The following CDH13 variants were observed in gnomAD, a reference collection of about 807,000 sequenced individuals.
CDH13 encodes the protein cadherin-13.
In CDH13, 24 loss-of-function variants were observed where a neutral mutation model predicts 63.8. The ratio of observed to expected loss-of-function variants is 0.38; its 90% CI spans 0.27 to 0.53. The LOEUF is 0.53. CDH13 is among the 20% of genes least tolerant of loss of function. The pLI, the probability that CDH13 is intolerant of heterozygous loss-of-function variation, is 0.85. For synonymous variants in CDH13, 503 were observed against 355.3 expected (o/e 1.42, Z -4.67); for missense variants, 1,049 against 903.1 (o/e 1.16, Z -2.07).
chr16:83,340,761 A>G (rs2090704394), intron 5 of CDH13, among the ~76,000 whole-genome samples: 1 of 152,178 alleles, frequency 6.6e-6, no homozygotes, highest in Non-Finnish European at 1.5e-5. Context: ...CAGATGTGTA[A>G]TTGCTCGGAG....
chr16:82,627,245 G>T (rs1033443885), intron 1 of CDH13, 108 bp downstream of exon 1: 3 of 947,744 alleles, frequency 3.2e-6, no homozygotes, highest in South Asian at 1.4e-5. Context: ...CTCCGGTCGC[G>T]GCGGCGAAGA....
At chr16:83,427,012 C>T (rs918961571) in intron 6 of CDH13, among the ~76,000 whole-genome samples, 12 of 145,080 alleles carry the variant, frequency 8.3e-5, no homozygotes, top group Admixed American at 1.4e-4. Flanking sequence ...CTGCAAGCTC[C>T]GCCTCCCAGG....
chr16:82,781,101 G>A (rs2035732230), intron 1 of CDH13, among the ~76,000 whole-genome samples: 1 of 152,186 alleles, frequency 6.6e-6, no homozygotes, highest in Non-Finnish European at 1.5e-5. Flanking sequence ...ATCTTCTGAA[G>A]TTTGCCTCTA....
chr16:83,529,457 T>C (rs767738784), intron 7 of CDH13, among the ~76,000 whole-genome samples: 1 of 152,222 alleles, frequency 6.6e-6, no homozygotes, highest in Non-Finnish European at 1.5e-5. Context: ...CACTACACTG[T>C]ACTACATCCA....
intron 2 of CDH13, among the ~76,000 whole-genome samples, chr16:83,022,000 T>C (rs1360914023): frequency 2.0e-5 from 3 of 152,216 alleles, no homozygotes; most frequent in Non-Finnish European, 4.4e-5. Context: ...GAAATGAGAG[T>C]ATTCAGGAAA....
rs1402336573 is a variant in CDH13, at chr16:82,639,555, G to T, written c.45+12418G>T. 4 of 799,160 alleles carry T rather than the reference G, an allele frequency of 5.0e-6. No homozygotes were observed. In the African/African-American group the frequency reaches 5.1e-5, roughly 10 times the overall value. The allele number at this position is 799,160 out of a possible 1,614,324, so 49.5% of individuals were successfully genotyped here. ...CCTGTTGCCTAAGTCAGTGCTTCCT[G>T]CAAGCTACTCTTTGTAATTCTTTCC... On this transcript the variant is annotated intron_variant, in intron 1 of 13. Coordinates refer to ENST00000567109, the MANE Select transcript of CDH13 (RefSeq NM_001257.5).
At chr16:83,235,798 T>C (rs186755096) in intron 5 of CDH13, among the ~76,000 whole-genome samples, 1 of 152,286 alleles carries the variant, frequency 6.6e-6, no homozygotes, top group Admixed American at 6.5e-5. Flanking sequence ...TGTTAATACA[T>C]AGACTGAGGA....
At chr16:82,703,560 T>G (rs1010634982) in intron 1 of CDH13, among the ~76,000 whole-genome samples, 3 of 152,192 alleles carry the variant, frequency 2.0e-5, no homozygotes, top group Non-Finnish European at 2.9e-5. Flanking sequence ...CCTGGACTGA[T>G]AATGCTTTAC....
chr16:83,119,913 T>C (rs918882727), intron 3 of CDH13, among the ~76,000 whole-genome samples: 1 of 152,062 alleles, frequency 6.6e-6, no homozygotes, highest in African/African-American at 2.4e-5. Flanking sequence ...TACACATAAA[T>C]CACAGGCAAA....
At chr16:83,646,738 C>G (rs1244399806) in intron 8 of CDH13, among the ~76,000 whole-genome samples, 1 of 146,794 alleles carries the variant, frequency 6.8e-6, no homozygotes, top group Admixed American at 6.9e-5. Context: ...CACACACACA[C>G]AGTTGTGTTT....
At chr16:83,013,495 T>A (rs1191019765) in intron 2 of CDH13, among the ~76,000 whole-genome samples, 1 of 152,146 alleles carries the variant, frequency 6.6e-6, no homozygotes, top group African/African-American at 2.4e-5. Context: ...CATAATCACA[T>A]TTCCCTTCCA....
rs543874275 is a variant in CDH13, at chr16:83,698,862, A to G, written c.1538+20401A>G. On this transcript the variant is annotated intron_variant, in intron 10 of 13. Coordinates refer to ENST00000567109, the MANE Select transcript of CDH13 (RefSeq NM_001257.5). Reference sequence around the variant, plus strand: ...TACTCAACTCGACCATCGTAATCCAAAAGCTGCCACATCTGTGAATAGGCA... The same window carrying G: ...TACTCAACTCGACCATCGTAATCCAGAAGCTGCCACATCTGTGAATAGGCA... 6.3e-4 allele frequency among the ~76,000 whole-genome samples: 96 copies of G among 152,374 alleles called. 1 individual carries two copies. The highest frequency in any genetic ancestry group is 2.1e-3 in the South Asian group (10 of 4,828).
At chr16:83,345,989 G>A (rs1363188720) in intron 6 of CDH13, among the ~76,000 whole-genome samples, 1 of 152,102 alleles carries the variant, frequency 6.6e-6, no homozygotes, top group African/African-American at 2.4e-5. Context: ...ATGTTGCCAT[G>A]GTAACCTTCC....
chr16:82,952,445 G>A (rs746265221), intron 2 of CDH13, among the ~76,000 whole-genome samples: 1 of 152,136 alleles, frequency 6.6e-6, no homozygotes, highest in Admixed American at 6.5e-5. Flanking sequence ...ATTCATGCCC[G>A]TAAGTTATCC....
intron 11 of CDH13, among the ~76,000 whole-genome samples, chr16:83,779,736 T>G (rs1052066539): frequency 2.0e-5 from 3 of 152,104 alleles, no homozygotes; most frequent in Admixed American, 2.0e-4. Context: ...CGTGCACCTG[T>G]GGTCCCAGCT....
chr16:83,400,122 G>GT (rs35354268), intron 6 of CDH13, among the ~76,000 whole-genome samples: 13,543 of 147,094 alleles, frequency 0.092, 652 homozygotes, highest in South Asian at 0.13. Context: ...ATTCTGATGG[G>GT]TTTTTTTTTT....
At chr16:82,819,543 C>A (rs2037895971) in intron 1 of CDH13, among the ~76,000 whole-genome samples, 1 of 152,180 alleles carries the variant, frequency 6.6e-6, no homozygotes, top group South Asian at 2.1e-4. Context: ...TGGGCTACCC[C>A]TCCCTTTCCC....
chr16:83,050,327 C>G (rs1446559222), intron 3 of CDH13, among the ~76,000 whole-genome samples: 1 of 152,082 alleles, frequency 6.6e-6, no homozygotes, highest in African/African-American at 2.4e-5. Context: ...GAATTGCTGG[C>G]TCATATGATA....
At chr16:83,049,520 A>G (rs527553510) in intron 3 of CDH13, among the ~76,000 whole-genome samples, 107 of 152,012 alleles carry the variant, frequency 7.0e-4, no homozygotes, top group Non-Finnish European at 1.3e-3. Flanking sequence ...ATTTTTTAGT[A>G]GAGACCGGGT....
Sources: gnomAD v4.1 joint callset for allele counts (sites outside exome capture counted in the v4.1 genomes callset) on GRCh38, gnomAD v4.1.1 for gene constraint, MANE v1.5 for transcripts, NCBI Gene and HGNC (gene_info 2026-07-23, HGNC 2026-07-21) for gene names.